ZNF7: variants seen among roughly 807,000 people sequenced by gnomAD.
ZNF7 encodes C2-H2 type zinc finger protein.
In ZNF7, 10 loss-of-function variants were observed where a neutral mutation model predicts 12.0. The ratio of observed to expected loss-of-function variants is 0.83; its 90% CI spans 0.51 to 1.42. ZNF7 has a LOEUF of 1.42. Ranked by LOEUF, ZNF7 falls within the 40% of genes most tolerant of loss-of-function variation. The probability of loss-of-function intolerance (pLI) is 0.00; values close to 1 mark genes in which losing one functional copy is unlikely to be tolerated. For missense variants in ZNF7, 854 were observed against 837.2 expected, an observed-to-expected ratio of 1.02 and a Z score of -0.25; for synonymous variants, 334 against 295.0, an observed-to-expected ratio of 1.13 and a Z score of -1.35.
rs1261727903 is a variant in ZNF7 at position 144,832,615 on chromosome 8, C to G, written c.130+3011C>G. Among the ~76,000 whole-genome samples, 10 of 152,032 alleles carry G rather than the reference C, an allele frequency of 6.6e-5. No homozygotes were observed. The South Asian group carries it at 1.9e-3, about 28-fold the overall frequency. The stretch of plus-strand genomic sequence containing the variant: ...TGGTGGCGGGTGGTTGTAATCTTGG[C>G]TTCTCAGGAGGCTGAGGCAGGAGAA... On this transcript the variant is annotated intron_variant, in intron 3 of 4. Coordinates refer to ENST00000532777, the MANE Select transcript of ZNF7 (RefSeq NM_003416.4).
At chr8:144,834,397 A>C (rs1392602170) in intron 3 of ZNF7, 2 of 152,202 alleles carry the variant, frequency 1.3e-5, no homozygotes, top group East Asian at 3.8e-4. Flanking sequence ...TGCAGTGGCC[A>C]GCACAGTGTT....
downstream of ZNF7, chr8:144,843,884 AG>A (rs773888357): frequency 6.6e-6 from 1 of 152,220 alleles, no homozygotes; most frequent in Non-Finnish European, 1.5e-5. Context: ...GAGGTCCAGG[AG>A]TGCCTAGAAT....
chr8:144,839,284 C>T (rs978452701), intron 4 of ZNF7, among the ~76,000 whole-genome samples: 2 of 152,256 alleles, frequency 1.3e-5, no homozygotes, highest in Non-Finnish European at 2.9e-5. Flanking sequence ...TGAGCCTCTT[C>T]ACGCCCTGTG....
At chr8:144,837,915 C>T in intron 4 of ZNF7, 6 of 610,574 alleles carry the variant, frequency 9.8e-6, no homozygotes, top group Non-Finnish European at 1.8e-5. Context: ...CAGACCCTCT[C>T]AGGCTCCAGG....
chr8:144,828,204 C>T (rs2130516093), intron 1 of ZNF7, among the ~76,000 whole-genome samples: 1 of 152,304 alleles, frequency 6.6e-6, no homozygotes, highest in East Asian at 1.9e-4. Flanking sequence ...TACGAAGACT[C>T]TTTTTCCCAT....
intron 3 of ZNF7, chr8:144,830,894 C>T (rs12682087): frequency 0.091 from 41,790 of 458,302 alleles, 2,197 homozygotes; most frequent in East Asian, 0.14. Context: ...CCACCGTGCC[C>T]AGCCGGAGTA....
downstream of ZNF7, chr8:144,845,984 C>G (rs1586854742): frequency 1.3e-6 from 2 of 1,536,532 alleles, no homozygotes; most frequent in Non-Finnish European, 1.7e-6. Flanking sequence ...TTCAGGCTTT[C>G]TGGGCCGCCC....
At chr8:144,846,067 C>T (rs1030644203), downstream of ZNF7, 2 of 1,536,422 alleles carry the variant, frequency 1.3e-6, no homozygotes, top group East Asian at 2.4e-5. Context: ...CAAAACACTG[C>T]TCACAAAGAC....
rs766248899 is a variant in ZNF7, at chr8:144,843,371, C to T, written c.*203C>T. On this transcript the variant is annotated 3_prime_UTR_variant, in exon 5 of 5. Transcript: ENST00000532777. Reference sequence around the variant, plus strand: ...TTGGGAGGCCAAGGCGGGCACATCACGAGGTCAGGAGGTTGAGACCATCCT... The same window carrying T: ...TTGGGAGGCCAAGGCGGGCACATCATGAGGTCAGGAGGTTGAGACCATCCT... 9.3e-5 allele frequency: 52 copies of T among 559,006 alleles called. No homozygotes were observed. Among genetic ancestry groups the T allele is most frequent in the South Asian group, 1.5e-4 (5 of 33,562 alleles). 34.6% of individuals were successfully genotyped at this position (559,006 alleles called of 1,614,324 possible).
chr8:144,832,398 G>T (rs1294832129), intron 3 of ZNF7, among the ~76,000 whole-genome samples: 3 of 56,590 alleles, frequency 5.3e-5, no homozygotes, highest in African/African-American at 8.6e-5. Flanking sequence ...ACTCCAGCCT[G>T]GGTGACAGAG....
At position 144,839,548 on chromosome 8, in the gene ZNF7, T is replaced by A. The variant is rs192390203; in HGVS notation, c.248-1807T>A. Among the ~76,000 whole-genome samples the A allele has an allele frequency of 7.4e-4, 113 of 152,330 alleles. 2 individuals carry two copies. In the East Asian group the frequency reaches 0.02, roughly 28 times the overall value. On this transcript the variant is annotated intron_variant, in intron 4 of 4. Coordinates refer to ENST00000532777, the MANE Select transcript of ZNF7 (RefSeq NM_003416.4). ...AGTTGGCAGAAATAGTTCAGTGGGT[T>A]TATATGTAGCAGGTGGTCCTCACTG... is the stretch of plus-strand genomic sequence containing the variant.
intron 3 of ZNF7, among the ~76,000 whole-genome samples, chr8:144,832,722 C>T (rs1308349142): frequency 4.6e-5 from 7 of 152,006 alleles, no homozygotes; most frequent in Admixed American, 2.0e-4. Context: ...AGTGAGACTC[C>T]GTCTCAAAAA....
rs966067625 is a variant in ZNF7 at position 144,829,697 on chromosome 8, C to G, written c.130+93C>G. ...CAGAGGCTGGGGTATGCAGGCCAAA[C>G]GCTCAGACCCTTGTGGGCTCCACAG... is the stretch of plus-strand genomic sequence containing the variant. On this transcript the variant is annotated intron_variant, in intron 3 of 4. Transcript: ENST00000532777. 4.7e-6 allele frequency: 7 copies of G among 1,476,134 alleles called. No individual in the cohort carries two copies. The South Asian group carries it at 8.0e-5, about 17-fold the overall frequency. The allele number at this position is 1,476,134 out of a possible 1,614,324, so 91.4% of individuals were successfully genotyped here.
chr8:144,829,185 C>T, intron 2 of ZNF7, 95 bp downstream of exon 2: 1 of 1,593,936 alleles, frequency 6.3e-7, no homozygotes, highest in South Asian at 1.1e-5. Context: ...CTACCTTGGC[C>T]CTTGCTGGGC....
At chr8:144,830,889 G>T (rs1233193633) in intron 3 of ZNF7, 1 of 458,358 alleles carries the variant, frequency 2.2e-6, no homozygotes, top group Admixed American at 2.3e-5. Flanking sequence ...GTGAGCCACC[G>T]TGCCCAGCCG....
chr8:144,846,432 C>T, downstream of ZNF7: 1 of 406,804 alleles, frequency 2.5e-6, no homozygotes, highest in South Asian at 4.1e-5. Context: ...TGTCCCTGGG[C>T]TTGGTGATGC....
chr8:144,842,752 G>A lies in ZNF7; in HGVS notation c.1645G>A (p.Gly549Arg), dbSNP rs1830115599. The change falls in exon 5 of 5, where the codon GGA (glycine) becomes AGA (arginine). Residue 549 changes from glycine to arginine, a missense_variant. By Grantham distance (125) the Gly-to-Arg change is moderately radical. Transcript: ENST00000532777. ...QLTIHQRVHT[G>R]ERPYKCNECG... is the part of the protein sequence containing the mutation. ...TACAATACATCAAAGGGTTCACACT[G>A]GAGAGAGGCCCTATAAATGTAATGA... 1.2e-6 allele frequency: 2 copies of A among 1,614,088 alleles called. No homozygotes were observed. The highest frequency in any genetic ancestry group is 8.5e-7 in the Non-Finnish European group (1 of 1,180,048).
chr8:144,840,408 G>A (rs1829728020), intron 4 of ZNF7, among the ~76,000 whole-genome samples: 1 of 152,248 alleles, frequency 6.6e-6, no homozygotes, highest in Non-Finnish European at 1.5e-5. Flanking sequence ...TAACTGGGCT[G>A]TGCATTCATG....
In ZNF7 at chr8:144,842,194, C is replaced by T; in HGVS notation, c.1087C>T (p.Pro363Ser). The T allele has an allele frequency of 1.2e-6, 2 of 1,613,196 alleles. No homozygotes were observed. The highest frequency in any genetic ancestry group is 1.7e-6 in the Non-Finnish European group (2 of 1,179,748). Reference sequence around the variant, plus strand: ...AACTCACACTGGGGAGAGGCCCTACCCTTGCAAGGAGTGTGGGAAGGCCTT... The same window carrying T: ...AACTCACACTGGGGAGAGGCCCTACTCTTGCAAGGAGTGTGGGAAGGCCTT... ...QRTHTGERPY[P>S]CKECGKAFSQ... The change falls in exon 5 of 5, where the codon CCT (proline) becomes TCT (serine). Residue 363 changes from proline (P) to serine (S), a missense_variant. By Grantham distance (74) the Pro-to-Ser change is moderately conservative (BLOSUM62 -1). Transcript: ENST00000532777.
Sources: allele counts gnomAD v4.1 joint callset (sites outside exome capture counted in the v4.1 genomes callset), GRCh38; gene constraint gnomAD v4.1.1; transcripts MANE v1.5; gene names NCBI Gene and HGNC (gene_info 2026-07-23, HGNC 2026-07-21).